Variants in GAREM1 observed in about 807,000 individuals in gnomAD.
GAREM1 encodes the protein GRB2-associated and regulator of MAPK protein 1.
A neutral mutation model predicts 71.3 loss-of-function variants in GAREM1; 26 were observed. The observed-to-expected ratio is 0.36, with a 90% CI of 0.27 to 0.51. GAREM1 has a LOEUF of 0.51. Ranked by LOEUF, GAREM1 falls within the 20% of genes least tolerant of loss-of-function variation. GAREM1 has a pLI of 0.95. For missense variants in GAREM1, 1,026 were observed against 1,103.1 expected (o/e 0.93, Z 0.99); for synonymous variants, 440 against 433.2 (o/e 1.02, Z -0.20).
intron 4 of GAREM1, among the ~76,000 whole-genome samples, chr18:32,282,704 C>T (rs1305463574): frequency 6.6e-6 from 1 of 152,170 alleles, no homozygotes; most frequent in East Asian, 1.9e-4. Flanking sequence ...GCCACGGTGC[C>T]AGGCTAACCC....
intron 2 of GAREM1, among the ~76,000 whole-genome samples, chr18:32,365,041 G>A (rs148710798): frequency 1.7e-3 from 253 of 152,274 alleles, no homozygotes; most frequent in African/African-American, 5.8e-3. Context: ...ACCCAAGATT[G>A]TACAAAACCT....
rs1311701086 is a variant in GAREM1, at chr18:32,266,441, G to A, written c.*1430C>T. 1 of 152,170 alleles carries A rather than the reference G, an allele frequency of 6.6e-6. No homozygotes were observed. The highest frequency in any genetic ancestry group is 2.4e-5 in the African/African-American group (1 of 41,446). 9.4% of individuals were successfully genotyped at this position (152,170 alleles called of 1,614,324 possible). A position where few individuals can be genotyped will look rare whatever the true frequency, so the allele number is the denominator to read the frequency against. On this transcript the variant is annotated 3_prime_UTR_variant, in exon 6 of 6. Transcript: ENST00000269209. ...TCCGCACATCTGGAATCTGGGGCCA[G>A]ACTCTCAGGTGCAGGGGAGTAGATG...
rs1320551223 is a variant in GAREM1, at chr18:32,268,280, G to A, written c.2222C>T (p.Thr741Ile). 1 of 1,614,138 alleles carries A rather than the reference G, an allele frequency of 6.2e-7. No individual in the cohort carries two copies. The highest frequency in any genetic ancestry group is 1.1e-5 in the South Asian group (1 of 91,074). Residue 741 changes from threonine (T) to isoleucine (I), a missense_variant, in exon 6 of 6, where the codon ACA (threonine) becomes ATA (isoleucine). Physicochemically the swap from Thr to Ile is moderately conservative, Grantham distance 89. Transcript: ENST00000269209. The part of the protein sequence containing the change: ...KLVEEKVASE[T>I]SPLPLKIDGA... ...ATCAATTTTCAGAGGCAAAGGAGAT[G>A]TTTCGGAGGCGACCTTCTCTTCCAC...
At chr18:32,299,225 T>C (rs613941) in intron 3 of GAREM1, among the ~76,000 whole-genome samples, 60,292 of 151,846 alleles carry the variant, frequency 0.4, 14,144 homozygotes, top group African/African-American at 0.66. Context: ...TAAAAAGTGA[T>C]TATATCTAGC....
intron 1 of GAREM1, among the ~76,000 whole-genome samples, chr18:32,437,310 T>C (rs2048689589): frequency 6.6e-6 from 1 of 152,162 alleles, no homozygotes; most frequent in Admixed American, 6.5e-5. Context: ...GGGGATGGGA[T>C]GGCATCATCT....
intron 2 of GAREM1, among the ~76,000 whole-genome samples, chr18:32,363,589 T>A (rs1186270492): frequency 6.6e-6 from 1 of 152,086 alleles, no homozygotes; most frequent in East Asian, 1.9e-4. Flanking sequence ...CCTAACTAAA[T>A]CAGGTTTTAG....
chr18:32,411,076 T>C (rs1473676128), intron 1 of GAREM1, among the ~76,000 whole-genome samples: 1 of 152,226 alleles, frequency 6.6e-6, no homozygotes, highest in Non-Finnish European at 1.5e-5. Flanking sequence ...GTGCTGGGAT[T>C]ACAGGCATGA....
At chr18:32,366,821 C>A (rs183806449) in intron 2 of GAREM1, among the ~76,000 whole-genome samples, 59 of 152,302 alleles carry the variant, frequency 3.9e-4, no homozygotes, top group Non-Finnish European at 1.2e-4. Flanking sequence ...GAAAGTCCTG[C>A]AAATATTCTG....
At chr18:32,418,163 T>C (rs968324550) in intron 1 of GAREM1, among the ~76,000 whole-genome samples, 6 of 152,202 alleles carry the variant, frequency 3.9e-5, no homozygotes, top group Non-Finnish European at 5.9e-5. Context: ...AGATAAAGTG[T>C]CTAAAAACAC....
chr18:32,413,200 T>C (rs2048437183), intron 1 of GAREM1: 1 of 1,604,992 alleles, frequency 6.2e-7, no homozygotes, highest in Non-Finnish European at 8.5e-7. Flanking sequence ...AGAGAGACTT[T>C]AACGATGCTT....
At chr18:32,331,927 C>G (rs946242627) in intron 2 of GAREM1, among the ~76,000 whole-genome samples, 3 of 151,898 alleles carry the variant, frequency 2.0e-5, no homozygotes, top group Non-Finnish European at 2.9e-5. Flanking sequence ...GACAGACTGA[C>G]AGGGCTGGTG....
chr18:32,362,243 A>G (rs2047872373), intron 2 of GAREM1, among the ~76,000 whole-genome samples: 1 of 152,142 alleles, frequency 6.6e-6, no homozygotes, highest in African/African-American at 2.4e-5. Context: ...GTTTCTTTCC[A>G]TTCATGTACA....
chr18:32,438,187 G>C (rs570091181), intron 1 of GAREM1, among the ~76,000 whole-genome samples: 1 of 152,196 alleles, frequency 6.6e-6, no homozygotes, highest in South Asian at 2.1e-4. Flanking sequence ...AAGAGAGAAG[G>C]CCTACGATAT....
intron 1 of GAREM1, among the ~76,000 whole-genome samples, chr18:32,463,719 G>GCA (rs1416459275): frequency 6.6e-6 from 1 of 151,752 alleles, no homozygotes; most frequent in Non-Finnish European, 1.5e-5. Context: ...ACAGGCACAT[G>GCA]CCACCACACC....
At chr18:32,351,113 C>T (rs1403075320) in intron 2 of GAREM1, among the ~76,000 whole-genome samples, 1 of 152,086 alleles carries the variant, frequency 6.6e-6, no homozygotes, top group Non-Finnish European at 1.5e-5. Flanking sequence ...TTCCTAACAT[C>T]AACTCTAAAA....
intron 2 of GAREM1, among the ~76,000 whole-genome samples, chr18:32,372,358 G>C (rs765868167): frequency 6.6e-6 from 1 of 152,124 alleles, no homozygotes; most frequent in Non-Finnish European, 1.5e-5. Flanking sequence ...TCTATGTGAC[G>C]CACACTAATC....
chr18:32,334,235 G>T (rs1182900243), intron 2 of GAREM1, among the ~76,000 whole-genome samples: 1 of 152,106 alleles, frequency 6.6e-6, no homozygotes, highest in Non-Finnish European at 1.5e-5. Context: ...CACACCCCGA[G>T]GGGGGCACAT....
intron 1 of GAREM1, among the ~76,000 whole-genome samples, chr18:32,403,078 C>T (rs2048331724): frequency 6.6e-6 from 1 of 151,924 alleles, no homozygotes; most frequent in Admixed American, 6.6e-5. Context: ...CCACTACACC[C>T]AGCTAATTTT....
At chr18:32,315,596 G>A (rs1409292752) in intron 2 of GAREM1, among the ~76,000 whole-genome samples, 1 of 151,030 alleles carries the variant, frequency 6.6e-6, no homozygotes. Flanking sequence ...TTTACACTTA[G>A]GGATCATCTC....
Sources: gnomAD v4.1 joint callset for allele counts (sites outside exome capture counted in the v4.1 genomes callset) on GRCh38, gnomAD v4.1.1 for gene constraint, MANE v1.5 for transcripts, NCBI Gene and HGNC (gene_info 2026-07-23, HGNC 2026-07-21) for gene names.